The following ASMT variants were observed in gnomAD, a reference collection of about 807,000 sequenced individuals.
The protein encoded by ASMT is acetylserotonin N-methyltransferase.
A neutral mutation model predicts 41.3 loss-of-function variants in ASMT; 53 were observed. That is an observed-to-expected ratio of 1.28 (90% CI 1.03 to 1.61). The LOEUF (loss-of-function observed/expected upper bound fraction) is 1.61, where lower values mean the gene tolerates loss of function less well. Ranked by LOEUF, ASMT falls within the 40% of genes most tolerant of loss-of-function variation. The pLI is 0.00. For missense variants in ASMT, 531 were observed against 441.3 expected (o/e 1.20, Z -1.82); for synonymous variants, 231 against 184.8 (o/e 1.25, Z -2.03).
intron 5 of ASMT, among the ~76,000 whole-genome samples, chrX:1,631,142 C>T (rs1246376191): frequency 4.0e-5 from 6 of 151,568 alleles, no homozygotes; most frequent in Admixed American, 3.3e-4. Context: ...TCTCGATCTC[C>T]TGACCTCGTG....
rs1262491391 is a variant in ASMT at position 1,627,705 on chromosome X, A to T, written c.377A>T (p.Glu126Val). Residue 126 changes from glutamate to valine, a missense_variant and splice_region_variant, in exon 4 of 9, where the codon GAA (glutamate) becomes GTA (valine). Physicochemically the swap from Glu to Val is moderately radical, Grantham distance 121. Transcript: ENST00000381241. ...CAGCCTTCTCTCTCTTTTCTTAGAGAAGGAAGGAACCAGTACCTGGAGACG... is the reference window on the plus strand; with the variant it reads ...CAGCCTTCTCTCTCTTTTCTTAGAGTAGGAAGGAACCAGTACCTGGAGACG... ...CWGHLADAVR[E>V]GRNQYLETFG... 1 of 1,613,512 alleles carries T rather than the reference A, an allele frequency of 6.2e-7. No individual in the cohort carries two copies. Among genetic ancestry groups the T allele is most frequent in the Non-Finnish European group, 8.5e-7 (1 of 1,179,482 alleles).
intron 4 of ASMT, among the ~76,000 whole-genome samples, chrX:1,628,257 G>C (rs1404135093): frequency 2.0e-5 from 3 of 152,174 alleles, no homozygotes; most frequent in Non-Finnish European, 4.4e-5. Context: ...GGAGGCGGAG[G>C]TTGCGGTGAT....
chrX:1,632,319 C>G (rs1195227418), intron 5 of ASMT, among the ~76,000 whole-genome samples: 1 of 152,096 alleles, frequency 6.6e-6, no homozygotes, highest in Admixed American at 6.6e-5. Context: ...GGCCTGTAGA[C>G]AATCACGTCA....
rs1934040378 is a variant in ASMT, at chrX:1,615,287, G to A, written c.69+19G>A. The stretch of plus-strand genomic sequence containing the variant: ...GTCCCAGGTAGGATACGCTCTGTGG[G>A]ACAAGGGGGAATAGACTTCCGTTCA... On this transcript the variant is annotated intron_variant, in intron 1 of 8. Transcript: ENST00000381241. 6.3e-6 allele frequency: 10 copies of A among 1,578,664 alleles called. No homozygotes were observed. The highest frequency in any genetic ancestry group is 7.7e-6 in the Non-Finnish European group (9 of 1,161,522).
At chrX:1,642,029 G>C (rs1246589553) in intron 8 of ASMT, among the ~76,000 whole-genome samples, 4 of 147,000 alleles carry the variant, frequency 2.7e-5, no homozygotes, top group African/African-American at 7.5e-5. Flanking sequence ...AATGGGGATA[G>C]CATCCCAGTG....
intron 8 of ASMT, among the ~76,000 whole-genome samples, chrX:1,641,711 G>C (rs1457263067): frequency 2.8e-5 from 4 of 144,160 alleles, no homozygotes; most frequent in Non-Finnish European, 4.6e-5. Flanking sequence ...CAGTGTCCCA[G>C]TTCTCCTGTG....
At chrX:1,637,154 G>A (rs1161137626) in intron 8 of ASMT, among the ~76,000 whole-genome samples, 1 of 85,816 alleles carries the variant, frequency 1.2e-5, no homozygotes, top group Admixed American at 1.2e-4. Context: ...CGTGGGCACA[G>A]CCTCTGTGTA....
intron 7 of ASMT, 54 bp from the exon 8 acceptor site, chrX:1,636,384 G>A (rs1490005750): frequency 7.4e-6 from 12 of 1,613,812 alleles, no homozygotes; most frequent in Non-Finnish European, 1.0e-5. Flanking sequence ...AATAGGTTTA[G>A]TCAAATGGGA....
intron 7 of ASMT, chrX:1,636,202 C>A (rs1161485549): frequency 8.5e-6 from 5 of 589,282 alleles, no homozygotes; most frequent in Non-Finnish European, 1.3e-5. Flanking sequence ...CGTGATCTGC[C>A]CACCTCCGCC....
chrX:1,635,038 G>A (rs1934908902), intron 7 of ASMT, among the ~76,000 whole-genome samples: 1 of 141,898 alleles, frequency 7.0e-6, no homozygotes, highest in Admixed American at 7.2e-5. Context: ...GCAGTGGTGG[G>A]ATCTCGGCTC....
chrX:1,627,153 C>T (rs1328818942), intron 3 of ASMT, among the ~76,000 whole-genome samples: 1 of 143,688 alleles, frequency 7.0e-6, no homozygotes, highest in Non-Finnish European at 1.5e-5. Context: ...GATGAAACCC[C>T]ATCTGTACTA....
At position 1,643,074 on chromosome X, in the gene ASMT, T is replaced by C; in HGVS notation, c.*60T>C. ...CACAAGACATAATAATAAAGACATG[T>C]ACCTCCAGTGGCTTCTTGTTCTTGG... On this transcript the variant is annotated 3_prime_UTR_variant, in exon 9 of 9. Coordinates refer to ENST00000381241, the MANE Select transcript of ASMT (RefSeq NM_001171038.2). The C allele has an allele frequency of 1.3e-6, 2 of 1,550,090 alleles. No individual in the cohort carries two copies. Among genetic ancestry groups the C allele is most frequent in the Non-Finnish European group, 8.9e-7 (1 of 1,122,060 alleles).
At chrX:1,635,963 CT>C (rs756873361) in intron 7 of ASMT, among the ~76,000 whole-genome samples, 2,512 of 141,750 alleles carry the variant, frequency 0.018, 42 homozygotes, top group African/African-American at 0.044. Flanking sequence ...TATTTTCTTT[CT>C]TTTTTTTTTT....
At chrX:1,631,269 C>G (rs1934767752) in intron 5 of ASMT, among the ~76,000 whole-genome samples, 1 of 151,694 alleles carries the variant, frequency 6.6e-6, no homozygotes, top group South Asian at 2.1e-4. Context: ...TGGCTGGTCT[C>G]AGACTCCAGT....
intron 3 of ASMT, among the ~76,000 whole-genome samples, chrX:1,625,066 A>G (rs1934478442): frequency 6.6e-6 from 1 of 151,676 alleles, no homozygotes; most frequent in African/African-American, 2.4e-5. Context: ...AGGAGGTGAA[A>G]GGGAAGGTTT....
At chrX:1,623,083 G>A (rs1282893416) in intron 1 of ASMT, 56 bp from the exon 2 acceptor site, 29 of 1,593,176 alleles carry the variant, frequency 1.8e-5, no homozygotes, top group African/African-American at 2.7e-5. Flanking sequence ...GTGTTTCTAA[G>A]ACTGTGGTTC....
At chrX:1,620,433 G>C (rs1363502014) in intron 1 of ASMT, among the ~76,000 whole-genome samples, 76 of 151,998 alleles carry the variant, frequency 5.0e-4, no homozygotes, top group Non-Finnish European at 8.7e-4. Flanking sequence ...CTCCCAAAGT[G>C]CTGGGATGAC....
At chrX:1,634,976 C>A (rs1194954819) in intron 7 of ASMT, among the ~76,000 whole-genome samples, 1 of 112,110 alleles carries the variant, frequency 8.9e-6, no homozygotes, top group Non-Finnish European at 1.8e-5. Context: ...TGAGTTAACT[C>A]TTTTTTTTTT....
intron 7 of ASMT, among the ~76,000 whole-genome samples, chrX:1,635,968 T>C (rs750237848): frequency 6.4e-4 from 97 of 151,556 alleles, no homozygotes; most frequent in African/African-American, 2.3e-3. Context: ...TCTTTCTTTT[T>C]TTTTTTTTGG....
Sources: gnomAD v4.1 joint callset for allele counts (sites outside exome capture counted in the v4.1 genomes callset) on GRCh38, gnomAD v4.1.1 for gene constraint, MANE v1.5 for transcripts, NCBI Gene and HGNC (gene_info 2026-07-23, HGNC 2026-07-21) for gene names.